Variants in PTPRK observed in about 807,000 individuals in gnomAD.
PTPRK encodes the protein receptor-type tyrosine-protein phosphatase kappa.
Under a neutral mutation model 178.0 loss-of-function variants are expected in PTPRK, and 75 were observed. That is an observed-to-expected ratio of 0.42 (90% CI 0.35 to 0.51). The LOEUF is 0.51. Among genes scored for constraint, PTPRK ranks in the 20% least tolerant of loss-of-function variants. The pLI, the probability that PTPRK is intolerant of heterozygous loss-of-function variation, is 0.02. For missense variants in PTPRK, 1,441 were observed against 1,797.8 expected, an observed-to-expected ratio of 0.80 and a Z score of 3.59; for synonymous variants, 637 against 620.6, an observed-to-expected ratio of 1.03 and a Z score of -0.39.
intron 13 of PTPRK, among the ~76,000 whole-genome samples, chr6:128,059,606 C>T (rs144218315): frequency 7.2e-5 from 11 of 152,268 alleles, no homozygotes; most frequent in Middle Eastern, 3.4e-3. Flanking sequence ...ATCCTTTCCA[C>T]AGTTAACACT....
intron 2 of PTPRK, among the ~76,000 whole-genome samples, chr6:128,363,880 T>C (rs1006902190): frequency 2.0e-5 from 3 of 152,178 alleles, no homozygotes; most frequent in Admixed American, 6.6e-5. Context: ...TTTTTACTTG[T>C]TGCTTTTGAC....
At chr6:128,137,669 T>C (rs79316603) in intron 7 of PTPRK, among the ~76,000 whole-genome samples, 1 of 152,198 alleles carries the variant, frequency 6.6e-6, no homozygotes, top group Non-Finnish European at 1.5e-5. Flanking sequence ...TTTGCAGTAA[T>C]ACATAGTTAT....
intron 7 of PTPRK, among the ~76,000 whole-genome samples, chr6:128,164,512 TAACTTATGATAAGG>T (rs1291177188): frequency 5.9e-5 from 9 of 151,360 alleles, no homozygotes; most frequent in African/African-American, 2.4e-5. Context: ...CCAACGCCTC[TAACTTATGATAAGG>T]AACTAAACAA....
chr6:128,273,957 G>A (rs1002852097), intron 3 of PTPRK, among the ~76,000 whole-genome samples: 8 of 151,992 alleles, frequency 5.3e-5, no homozygotes, highest in Non-Finnish European at 8.8e-5. Flanking sequence ...AGAGATAAGC[G>A]ATGTGCCTTT....
At chr6:128,329,213 C>A (rs575735179) in intron 2 of PTPRK, among the ~76,000 whole-genome samples, 8 of 152,100 alleles carry the variant, frequency 5.3e-5, no homozygotes, top group Non-Finnish European at 1.0e-4. Flanking sequence ...TTCACTCATT[C>A]AGTCTCTGCA....
chr6:128,227,557 C>T (rs532975406), intron 5 of PTPRK, among the ~76,000 whole-genome samples: 1 of 152,256 alleles, frequency 6.6e-6, no homozygotes, highest in East Asian at 1.9e-4. Flanking sequence ...CTGAACCCCA[C>T]CTCATTTTAA....
intron 2 of PTPRK, among the ~76,000 whole-genome samples, chr6:128,339,583 G>C (rs1405809495): frequency 6.6e-6 from 1 of 152,026 alleles, no homozygotes; most frequent in East Asian, 1.9e-4. Context: ...ATCTGGAGAG[G>C]CAAAATTGCA....
intron 3 of PTPRK, among the ~76,000 whole-genome samples, chr6:128,269,845 A>G (rs1819525189): frequency 6.6e-6 from 1 of 152,148 alleles, no homozygotes; most frequent in Admixed American, 6.6e-5. Flanking sequence ...TCCAACAACA[A>G]CATTTCCTAA....
intron 8 of PTPRK, among the ~76,000 whole-genome samples, chr6:128,087,031 A>G (rs1229644860): frequency 1.3e-5 from 2 of 152,156 alleles, no homozygotes; most frequent in African/African-American, 4.8e-5. Context: ...GATAAGATAA[A>G]TAGTACAGTC....
chr6:128,510,622 C>T (rs1384731094), intron 1 of PTPRK, among the ~76,000 whole-genome samples: 7 of 152,164 alleles, frequency 4.6e-5, no homozygotes, highest in Non-Finnish European at 4.4e-5. Flanking sequence ...TACATGCAAA[C>T]ACCTATACAT....
chr6:128,217,096 C>T (rs1362725286), intron 6 of PTPRK, among the ~76,000 whole-genome samples: 1 of 152,058 alleles, frequency 6.6e-6, no homozygotes, highest in Non-Finnish European at 1.5e-5. Context: ...TATTAATCAC[C>T]CTGAAGATTA....
In PTPRK at chr6:128,492,467, T is replaced by C. The variant is rs116673773; in HGVS notation, c.100+27792A>G. On this transcript the variant is annotated intron_variant, in intron 1 of 29. Coordinates refer to ENST00000368226, the MANE Select transcript of PTPRK (RefSeq NM_002844.4). ...CTATCCAAAAATGAAAATTCCAATA[T>C]ATTATGGTGGTTGAGATCAAGTATT... Among the ~76,000 whole-genome samples, 534 of 152,266 alleles carry C rather than the reference T, an allele frequency of 3.5e-3. 3 individuals carry two copies. Among genetic ancestry groups the C allele is most frequent in the African/African-American group, 0.012 (514 of 41,562 alleles).
At chr6:127,988,533 C>T (rs964457551) in intron 21 of PTPRK, among the ~76,000 whole-genome samples, 1 of 151,368 alleles carries the variant, frequency 6.6e-6, no homozygotes. Flanking sequence ...TAATAACAAT[C>T]ATCCTATTTT....
chr6:128,424,946 CT>C (rs540457628), intron 1 of PTPRK, among the ~76,000 whole-genome samples: 22 of 147,502 alleles, frequency 1.5e-4, no homozygotes, highest in South Asian at 2.2e-4. Flanking sequence ...TCCTTTTTTT[CT>C]TTTTTTTTTA....
At chr6:128,414,457 G>A (rs1584601767) in intron 1 of PTPRK, among the ~76,000 whole-genome samples, 1 of 151,976 alleles carries the variant, frequency 6.6e-6, no homozygotes, top group African/African-American at 2.4e-5. Flanking sequence ...AATATTTTTT[G>A]GTAGTATGCA....
At chr6:128,273,163 T>C (rs1435985592) in intron 3 of PTPRK, among the ~76,000 whole-genome samples, 2 of 152,036 alleles carry the variant, frequency 1.3e-5, no homozygotes, top group African/African-American at 2.4e-5. Flanking sequence ...ATGAGAACAC[T>C]TGGACACAGG....
chr6:128,468,595 A>G (rs1006439370), intron 1 of PTPRK, among the ~76,000 whole-genome samples: 1 of 152,190 alleles, frequency 6.6e-6, no homozygotes, highest in East Asian at 1.9e-4. Context: ...TTTCTAAAAT[A>G]GATTTGCAGA....
At chr6:128,102,234 T>C (rs1456410536) in intron 7 of PTPRK, among the ~76,000 whole-genome samples, 1 of 152,198 alleles carries the variant, frequency 6.6e-6, no homozygotes, top group African/African-American at 2.4e-5. Flanking sequence ...TATCAAATAA[T>C]TAGCAAGAAA....
At chr6:127,984,262 C>T (rs1775695914) in intron 22 of PTPRK, among the ~76,000 whole-genome samples, 1 of 152,158 alleles carries the variant, frequency 6.6e-6, no homozygotes, top group African/African-American at 2.4e-5. Flanking sequence ...TTCCTTCTAG[C>T]TCTCTCAAAC....
Sources: gnomAD v4.1 joint callset for allele counts (sites outside exome capture counted in the v4.1 genomes callset) on GRCh38, gnomAD v4.1.1 for gene constraint, MANE v1.5 for transcripts, NCBI Gene and HGNC (gene_info 2026-07-23, HGNC 2026-07-21) for gene names.